TSPAN18: variants seen among roughly 807,000 people sequenced by gnomAD.
TSPAN18 encodes the protein tetraspanin 18, also known as tetraspanin-18.
In TSPAN18, 14 loss-of-function variants were observed where a neutral mutation model predicts 27.3. The ratio of observed to expected loss-of-function variants is 0.51; its 90% confidence interval spans 0.34 to 0.80. The LOEUF (loss-of-function observed/expected upper bound fraction) is 0.80. Among genes scored for constraint, TSPAN18 ranks in the 30% least tolerant of loss-of-function variants. The probability of loss-of-function intolerance (pLI) is 0.01; values close to 1 mark genes in which losing one functional copy is unlikely to be tolerated. For synonymous variants in TSPAN18, 143 were observed against 136.5 expected (o/e 1.05, Z -0.33); for missense variants, 268 against 323.9 (o/e 0.83, Z 1.32).
At chr11:44,788,656 C>T (rs1303569730) in intron 2 of TSPAN18, among the ~76,000 whole-genome samples, 1 of 151,986 alleles carries the variant, frequency 6.6e-6, no homozygotes, top group East Asian at 1.9e-4. Flanking sequence ...ACCATGTTGG[C>T]CAGGATGGTC....
In TSPAN18 at chr11:44,790,144, C is replaced by G. The variant is rs989726243; in HGVS notation, c.-153+25632C>G. Among the ~76,000 whole-genome samples the G allele has an allele frequency of 4.3e-5, 6 of 138,324 alleles. No individual in the cohort carries two copies. In the East Asian group the frequency reaches 1.2e-3, roughly 28 times the overall value. 90.7% of individuals were successfully genotyped at this position (138,324 alleles called of 152,430 possible). ...TGTGACTGCTGCATGTTTCCACCCG[C>G]GTGTGTGCATGTGTGTGTGTGCATG... On this transcript the variant is annotated intron_variant, in intron 2 of 9. Transcript: ENST00000520358.
intron 2 of TSPAN18, among the ~76,000 whole-genome samples, chr11:44,840,653 G>A (rs1319012646): frequency 6.6e-6 from 1 of 152,160 alleles, no homozygotes; most frequent in Non-Finnish European, 1.5e-5. Flanking sequence ...CAACAGAAAC[G>A]CAGCGGCATG....
intron 2 of TSPAN18, among the ~76,000 whole-genome samples, chr11:44,768,834 G>A (rs1031644573): frequency 6.7e-6 from 1 of 150,334 alleles, no homozygotes; most frequent in Non-Finnish European, 1.5e-5. Context: ...TGCATTTATT[G>A]ATATGATCCT....
chr11:44,890,607 C>T (rs979483291), intron 3 of TSPAN18, among the ~76,000 whole-genome samples: 2 of 152,060 alleles, frequency 1.3e-5, no homozygotes, highest in Non-Finnish European at 2.9e-5. Context: ...CCTGTAGTCC[C>T]AGCTACTCGG....
At chr11:44,894,354 G>A (rs932997998) in intron 3 of TSPAN18, among the ~76,000 whole-genome samples, 1 of 152,198 alleles carries the variant, frequency 6.6e-6, no homozygotes, top group African/African-American at 2.4e-5. Flanking sequence ...CCTGGCCAGG[G>A]CACGTGCAAG....
chr11:44,925,283 G>A (rs7129095), intron 8 of TSPAN18, among the ~76,000 whole-genome samples: 30,929 of 152,184 alleles, frequency 0.2, 4,146 homozygotes, highest in African/African-American at 0.38. Flanking sequence ...GTTGTGGGGC[G>A]AGGTCTTGGC....
chr11:44,882,583 G>GACACACAC (rs1430057154), intron 3 of TSPAN18, among the ~76,000 whole-genome samples: 3 of 59,286 alleles, frequency 5.1e-5, no homozygotes, highest in Non-Finnish European at 9.6e-5. Flanking sequence ...TGGTCAGAGA[G>GACACACAC]AGAGACACAC....
At chr11:44,912,482 G>A (rs907632805) in intron 5 of TSPAN18, among the ~76,000 whole-genome samples, 4 of 152,038 alleles carry the variant, frequency 2.6e-5, no homozygotes, top group Non-Finnish European at 4.4e-5. Flanking sequence ...TGGGTCAGAG[G>A]CAAAGGACGC....
chr11:44,811,682 G>A (rs953234852), intron 2 of TSPAN18, among the ~76,000 whole-genome samples: 13 of 152,072 alleles, frequency 8.5e-5, no homozygotes, highest in African/African-American at 2.2e-4. Context: ...GGTTGGTCAC[G>A]AACTCCTGAC....
intron 1 of TSPAN18, among the ~76,000 whole-genome samples, chr11:44,734,682 C>A (rs1430097885): frequency 6.6e-6 from 1 of 152,204 alleles, no homozygotes; most frequent in Non-Finnish European, 1.5e-5. Flanking sequence ...TGAAACGGGA[C>A]AAGAATTTGG....
intron 3 of TSPAN18, among the ~76,000 whole-genome samples, chr11:44,865,103 G>A (rs1858001240): frequency 1.3e-5 from 2 of 152,220 alleles, no homozygotes; most frequent in African/African-American, 2.4e-5. Context: ...TGGAATATAA[G>A]GAATTTTCAA....
intron 1 of TSPAN18, among the ~76,000 whole-genome samples, chr11:44,738,820 C>T (rs1300985622): frequency 1.3e-5 from 2 of 152,202 alleles, no homozygotes; most frequent in Non-Finnish European, 2.9e-5. Context: ...CCGGTAACAT[C>T]TTCTAATTCA....
intron 2 of TSPAN18, among the ~76,000 whole-genome samples, chr11:44,774,018 C>T (rs1433647764): frequency 6.6e-6 from 1 of 152,150 alleles, no homozygotes. Flanking sequence ...TCTCTCCTTC[C>T]CTTTCCCTTT....
At chr11:44,770,067 T>G (rs1023241964) in intron 2 of TSPAN18, among the ~76,000 whole-genome samples, 16 of 152,232 alleles carry the variant, frequency 1.1e-4, no homozygotes, top group African/African-American at 3.9e-4. Flanking sequence ...ACACATTCAT[T>G]TATTCAGCAA....
At chr11:44,880,065 G>T (rs759721551) in intron 3 of TSPAN18, among the ~76,000 whole-genome samples, 9 of 152,190 alleles carry the variant, frequency 5.9e-5, no homozygotes, top group Non-Finnish European at 4.4e-5. Flanking sequence ...GGAGTAGCCT[G>T]CCTTTCTGGA....
At chr11:44,901,944 T>C (rs767101852) in intron 3 of TSPAN18, among the ~76,000 whole-genome samples, 2 of 152,228 alleles carry the variant, frequency 1.3e-5, no homozygotes, top group Non-Finnish European at 2.9e-5. Flanking sequence ...GGAGTTGGCA[T>C]GTGACTGGCC....
intron 3 of TSPAN18, among the ~76,000 whole-genome samples, chr11:44,901,894 T>C (rs1413254683): frequency 6.6e-6 from 1 of 152,228 alleles, no homozygotes; most frequent in African/African-American, 2.4e-5. Context: ...TACGTCCTGC[T>C]TTAGGGGCTT....
chr11:44,766,960 C>T (rs957339467), intron 2 of TSPAN18, among the ~76,000 whole-genome samples: 1 of 152,180 alleles, frequency 6.6e-6, no homozygotes, highest in Non-Finnish European at 1.5e-5. Context: ...AGGTGACTAC[C>T]ATGGGAAGCC....
At chr11:44,841,084 G>T (rs896393862) in intron 2 of TSPAN18, among the ~76,000 whole-genome samples, 3 of 152,172 alleles carry the variant, frequency 2.0e-5, no homozygotes, top group African/African-American at 7.2e-5. Flanking sequence ...CAGGATTAAA[G>T]ATACACAAAG....
Sources: allele counts gnomAD v4.1 joint callset (sites outside exome capture counted in the v4.1 genomes callset), GRCh38; gene constraint gnomAD v4.1.1; transcripts MANE v1.5; gene names NCBI Gene and HGNC (gene_info 2026-07-23, HGNC 2026-07-21).